RIPK1: variants seen among roughly 807,000 people sequenced by gnomAD.
RIPK1 encodes the protein receptor-interacting serine/threonine-protein kinase 1.
A neutral mutation model predicts 62.4 loss-of-function variants in RIPK1; 27 were observed. That is an observed-to-expected ratio of 0.43 (90% CI 0.32 to 0.60). RIPK1 has a LOEUF of 0.60. RIPK1 is among the 20% of genes least tolerant of loss of function. The probability of loss-of-function intolerance (pLI) is 0.07; values close to 1 mark genes in which losing one functional copy is unlikely to be tolerated. For missense variants in RIPK1, 735 were observed against 831.0 expected, an observed-to-expected ratio of 0.88 and a Z score of 1.42; for synonymous variants, 287 against 303.2, an observed-to-expected ratio of 0.95 and a Z score of 0.55.
intron 7 of RIPK1, among the ~76,000 whole-genome samples, chr6:3,099,553 A>G (rs760984395): frequency 1.4e-4 from 22 of 152,368 alleles, no homozygotes; most frequent in Non-Finnish European, 2.8e-4. Flanking sequence ...CAAAAAAACA[A>G]ACAAAAAAAC....
chr6:3,109,980 T>C (rs1761071099), intron 9 of RIPK1, among the ~76,000 whole-genome samples: 1 of 152,210 alleles, frequency 6.6e-6, no homozygotes, highest in Admixed American at 6.5e-5. Context: ...TTTTCAAGGC[T>C]GACTATTCCA....
rs368240234 is a variant in RIPK1, at chr6:3,086,752, T to TA, written c.838+1345dup. 2.9e-3 allele frequency among the ~76,000 whole-genome samples: 448 copies of TA among 152,326 alleles called. 2 individuals are homozygous for TA. Among genetic ancestry groups the TA allele is most frequent in the African/African-American group, 0.01 (432 of 41,564 alleles). On this transcript the variant is annotated intron_variant, in intron 6 of 10. Transcript: ENST00000259808. ...CCAAGCCTCACCGTTTAAGGTGATT[T>TA]ATGGAAGTTCCATTACATACGCATG...
intron 10 of RIPK1, 56 bp from the exon 11 acceptor site, chr6:3,112,997 C>A: frequency 7.0e-7 from 1 of 1,432,282 alleles, no homozygotes; most frequent in Non-Finnish European, 9.3e-7. Context: ...ATTCAGGAAG[C>A]TGGAATGTTT....
At chr6:3,086,228 G>A (rs144560760) in intron 6 of RIPK1, among the ~76,000 whole-genome samples, 5 of 152,350 alleles carry the variant, frequency 3.3e-5, no homozygotes, top group Admixed American at 6.5e-5. Flanking sequence ...GTTCTTAACT[G>A]TTGGGACTAA....
upstream of RIPK1, among the ~76,000 whole-genome samples, chr6:3,066,045 G>A (rs1218193076): frequency 6.6e-6 from 1 of 151,984 alleles, no homozygotes; most frequent in East Asian, 1.9e-4. Flanking sequence ...ATTTTTTATT[G>A]TTTTTTGAGA....
intron 1 of RIPK1, among the ~76,000 whole-genome samples, chr6:3,071,418 C>G (rs1758706287): frequency 6.6e-6 from 1 of 152,164 alleles, no homozygotes; most frequent in South Asian, 2.1e-4. Flanking sequence ...TTATGCAAAA[C>G]ATTTACAAAT....
chr6:3,065,217 A>G (rs1230539449), upstream of RIPK1, among the ~76,000 whole-genome samples: 4 of 136,882 alleles, frequency 2.9e-5, no homozygotes, highest in African/African-American at 1.1e-4. Flanking sequence ...AGATCGCGCC[A>G]CTGCACTCCA....
At chr6:3,088,058 GTT>G in intron 6 of RIPK1, among the ~76,000 whole-genome samples, 1 of 152,276 alleles carries the variant, frequency 6.6e-6, no homozygotes, top group African/African-American at 2.4e-5. Context: ...ATTTCATTCA[GTT>G]TCTGATTCTT....
At chr6:3,098,603 T>C (rs889788569) in intron 7 of RIPK1, among the ~76,000 whole-genome samples, 1 of 152,232 alleles carries the variant, frequency 6.6e-6, no homozygotes, top group African/African-American at 2.4e-5. Context: ...CCAAATTCTT[T>C]ATGGAATTCA....
upstream of RIPK1, among the ~76,000 whole-genome samples, chr6:3,067,488 T>C (rs974030599): frequency 1.3e-5 from 2 of 152,230 alleles, no homozygotes; most frequent in Non-Finnish European, 2.9e-5. Flanking sequence ...TTTAATGACA[T>C]GATGTTGAGC....
At chr6:3,067,139 T>C (rs879712078), upstream of RIPK1, among the ~76,000 whole-genome samples, 3 of 146,268 alleles carry the variant, frequency 2.1e-5, no homozygotes, top group South Asian at 6.6e-4. Context: ...CCACAGCTTA[T>C]CTGTCCACCC....
At position 3,072,406 on chromosome 6, in the gene RIPK1, AAAC is replaced by A. The variant is rs1758771189; in HGVS notation, c.-61+3747_-61+3749del. ...ATCTATTTACATATATATATATATA[AAAC>A]ACACACAAATGTGAATATAATTTTT... On this transcript the variant is annotated intron_variant, in intron 1 of 10. Coordinates refer to ENST00000259808, the MANE Select transcript of RIPK1 (RefSeq NM_001354930.2). The surrounding 1 kb of genome is among the most constrained non-coding windows in gnomAD (Gnocchi z 5.6). Among the ~76,000 whole-genome samples, 1 of 144,374 alleles carries A rather than the reference AAAC, an allele frequency of 6.9e-6. No individual in the cohort carries two copies. The highest frequency in any genetic ancestry group is 6.8e-5 in the Admixed American group (1 of 14,710). The allele number at this position is 144,374 out of a possible 152,430, so 94.7% of individuals were successfully genotyped here.
intron 7 of RIPK1, among the ~76,000 whole-genome samples, chr6:3,090,537 A>C (rs1033558811): frequency 1.3e-5 from 2 of 152,042 alleles, no homozygotes; most frequent in Admixed American, 6.5e-5. Context: ...TTAAATGTGG[A>C]TCCACCTTCA....
At chr6:3,103,058 A>C (rs1760669160) in intron 7 of RIPK1, among the ~76,000 whole-genome samples, 1 of 152,174 alleles carries the variant, frequency 6.6e-6, no homozygotes, top group Non-Finnish European at 1.5e-5. Flanking sequence ...GTGAAAGTGT[A>C]CCTCATGGTG....
intron 9 of RIPK1, 62 bp downstream of exon 9, chr6:3,106,113 C>G (rs1760838320): frequency 1.6e-6 from 2 of 1,214,032 alleles, no homozygotes; most frequent in South Asian, 1.4e-5. Flanking sequence ...ATACAGCAAC[C>G]AAGCAGCTCT....
chr6:3,089,052 CTG>C (rs1319550912), intron 6 of RIPK1, among the ~76,000 whole-genome samples: 2 of 152,124 alleles, frequency 1.3e-5, no homozygotes, highest in African/African-American at 4.8e-5. Flanking sequence ...TTCAGAGACT[CTG>C]TATGTTTGTT....
chr6:3,089,702 T>C (rs752235457), intron 7 of RIPK1, 45 bp downstream of exon 7: 3 of 1,017,366 alleles, frequency 2.9e-6, no homozygotes, highest in Non-Finnish European at 4.5e-6. Flanking sequence ...TAGCAAAATA[T>C]ATACTGTCAA....
chr6:3,094,458 AT>A (rs1321446941), intron 7 of RIPK1, among the ~76,000 whole-genome samples: 3 of 152,092 alleles, frequency 2.0e-5, no homozygotes, highest in Non-Finnish European at 4.4e-5. Flanking sequence ...ATCAAAAAAA[AT>A]AAATCACAAT....
chr6:3,068,335 C>T (rs1308065549), upstream of RIPK1: 41 of 985,250 alleles, frequency 4.2e-5, no homozygotes, highest in Non-Finnish European at 4.7e-5. Context: ...TTTACGTAGG[C>T]CGCCCCACTC....
Sources: gnomAD v4.1 joint callset for allele counts (sites outside exome capture counted in the v4.1 genomes callset) on GRCh38, gnomAD v4.1.1 for gene constraint, Gnocchi (gnomAD v3.1) non-coding constraint, MANE v1.5 for transcripts, NCBI Gene and HGNC (gene_info 2026-07-23, HGNC 2026-07-21) for gene names.